The following CGNL1 variants were observed in gnomAD, a reference collection of about 807,000 sequenced individuals.
The protein encoded by CGNL1 is cingulin like 1.
CGNL1 carries 132 observed loss-of-function variants against 141.2 expected under a neutral mutation model. The ratio of observed to expected loss-of-function variants is 0.93; its 90% CI spans 0.81 to 1.08. The LOEUF (loss-of-function observed/expected upper bound fraction) is 1.08, where lower values mean the gene tolerates loss of function less well. CGNL1 is among the 50% of genes least tolerant of loss of function. The probability of loss-of-function intolerance (pLI) is 0.00; values close to 1 mark genes in which losing one functional copy is unlikely to be tolerated. For missense variants in CGNL1, 1,870 were observed against 1,588.6 expected (o/e 1.18, Z -3.01); for synonymous variants, 690 against 622.1 (o/e 1.11, Z -1.63).
intron 8 of CGNL1, among the ~76,000 whole-genome samples, chr15:57,467,384 G>A (rs1293537322): frequency 1.3e-5 from 2 of 152,178 alleles, no homozygotes; most frequent in East Asian, 1.9e-4. Context: ...CATGCGGGCT[G>A]AGGACATTTT....
At chr15:57,490,450 T>C (rs2063843914) in intron 8 of CGNL1, among the ~76,000 whole-genome samples, 1 of 152,020 alleles carries the variant, frequency 6.6e-6, no homozygotes, top group Admixed American at 6.6e-5. Context: ...TGATGAGGTA[T>C]GGCACAGGGA....
Position 57,547,421 on chromosome 15 carries a change from G to A in CGNL1, c.3840G>A (p.Gly1280=). ...ACGACGATGACCTCAGCACGGATGG[G>A]GGAAGCCTCTATGAGGCGCCTGTGA... ...MDDDDDLSTD[G]GSLYEAPVSY... is the part of the protein sequence containing the mutation. Residue 1280 remains glycine (G), a synonymous_variant, in exon 19 of 19, where the codon GGG becomes GGA. Transcript: ENST00000281282. 5 of 1,614,186 alleles carry A rather than the reference G, an allele frequency of 3.1e-6. No individual in the cohort carries two copies. The highest frequency in any genetic ancestry group is 2.5e-6 in the Non-Finnish European group (3 of 1,180,026).
intron 8 of CGNL1, among the ~76,000 whole-genome samples, chr15:57,506,502 T>G (rs2064104994): frequency 1.3e-5 from 2 of 152,220 alleles, no homozygotes; most frequent in Non-Finnish European, 2.9e-5. Flanking sequence ...ATGGAAGGCC[T>G]AAGGCTGTGT....
chr15:57,529,350 C>G (rs1180397383), intron 13 of CGNL1, among the ~76,000 whole-genome samples: 2 of 152,158 alleles, frequency 1.3e-5, no homozygotes, highest in East Asian at 1.9e-4. Flanking sequence ...GTACATAGTC[C>G]AAGACAGCAT....
chr15:57,443,461 AC>A (rs1429178758), intron 4 of CGNL1, among the ~76,000 whole-genome samples: 1 of 152,188 alleles, frequency 6.6e-6, no homozygotes, highest in African/African-American at 2.4e-5. Flanking sequence ...AGAGGAAGAC[AC>A]CTGGAGGCAG....
chr15:57,491,216 G>A (rs1466771549), intron 8 of CGNL1, among the ~76,000 whole-genome samples: 2 of 152,214 alleles, frequency 1.3e-5, no homozygotes, highest in Non-Finnish European at 2.9e-5. Flanking sequence ...GAAGCCGAGT[G>A]TGGGATGAAA....
intron 1 of CGNL1, among the ~76,000 whole-genome samples, chr15:57,426,606 T>C (rs967035244): frequency 7.5e-6 from 1 of 134,136 alleles, no homozygotes; most frequent in African/African-American, 2.8e-5. Flanking sequence ...GTCTCCATGC[T>C]TGGCTATTTT....
Position 57,546,238 on chromosome 15 carries a change from A to C in CGNL1, c.3772A>C (p.Arg1258=). Residue 1258 remains arginine, a splice_region_variant and synonymous_variant, in exon 18 of 19, where the codon AGA becomes CGA. Transcript: ENST00000281282. ...GCTCAACTCCATGAAGAAGGACTTAAGGTGGGCAGGTGTGGAGGCCACAGA... is the reference window on the plus strand; with the variant it reads ...GCTCAACTCCATGAAGAAGGACTTACGGTGGGCAGGTGTGGAGGCCACAGA... ...GQLNSMKKDL[R]LKKLPSKVLD... is the part of the protein sequence containing the mutation. The C allele has an allele frequency of 3.2e-6, 5 of 1,573,188 alleles. No individual in the cohort carries two copies. Among genetic ancestry groups the C allele is most frequent in the Non-Finnish European group, 4.3e-6 (5 of 1,159,218 alleles).
intron 10 of CGNL1, among the ~76,000 whole-genome samples, chr15:57,522,280 C>T (rs572607130): frequency 9.6e-4 from 147 of 152,346 alleles, no homozygotes; most frequent in African/African-American, 3.2e-3. Context: ...ACCGGAAGGC[C>T]GCTATGGGTC....
intron 1 of CGNL1, among the ~76,000 whole-genome samples, chr15:57,423,174 G>A (rs1187350152): frequency 1.3e-5 from 2 of 152,162 alleles, no homozygotes; most frequent in African/African-American, 4.8e-5. Context: ...TACCTCTTCA[G>A]CTGATCGTGT....
intron 4 of CGNL1, among the ~76,000 whole-genome samples, chr15:57,444,746 T>C (rs1471636542): frequency 6.6e-6 from 1 of 152,182 alleles, no homozygotes; most frequent in African/African-American, 2.4e-5. Context: ...AGAGGGAATT[T>C]AGTGTAGTGG....
intron 8 of CGNL1, among the ~76,000 whole-genome samples, chr15:57,484,733 C>T (rs1235288991): frequency 1.3e-5 from 2 of 152,066 alleles, no homozygotes; most frequent in African/African-American, 2.4e-5. Context: ...AATCCACTGA[C>T]AGGCCCCGGT....
At chr15:57,504,827 C>A (rs930783613) in intron 8 of CGNL1, among the ~76,000 whole-genome samples, 8 of 152,170 alleles carry the variant, frequency 5.3e-5, no homozygotes, top group Non-Finnish European at 7.4e-5. Flanking sequence ...TTGCATGTGC[C>A]TGGAGGAGAG....
intron 1 of CGNL1, among the ~76,000 whole-genome samples, chr15:57,429,801 C>T (rs1432698990): frequency 2.0e-5 from 3 of 152,182 alleles, no homozygotes; most frequent in African/African-American, 7.2e-5. Flanking sequence ...ACATTGAAAT[C>T]TTTCTCAGAT....
Position 57,523,549 on chromosome 15 carries a change from A to G in CGNL1, c.2776A>G (p.Ser926Gly), listed in dbSNP as rs143361531. The change falls in exon 11 of 19, where the codon AGT becomes GGT. Residue 926 changes from serine to glycine, a missense_variant. By Grantham distance (56) the Ser-to-Gly change is moderately conservative. Coordinates refer to ENST00000281282, the MANE Select transcript of CGNL1 (RefSeq NM_032866.5). ...GTTGTCTGAGAAGCTCAAAGAGGAGAGTGAGCAGAAGGAGCAGCTAAGAAG... is the reference window on the plus strand; with the variant it reads ...GTTGTCTGAGAAGCTCAAAGAGGAGGGTGAGCAGAAGGAGCAGCTAAGAAG... ...KQLSEKLKEESEQKEQLRRLK... is the reference protein window; with the variant it reads ...KQLSEKLKEEGEQKEQLRRLK... The G allele has an allele frequency of 8.1e-6, 13 of 1,614,148 alleles. No homozygotes were observed. The highest frequency in any genetic ancestry group is 1.1e-5 in the Non-Finnish European group (13 of 1,179,990).
intron 7 of CGNL1, among the ~76,000 whole-genome samples, chr15:57,459,879 T>C (rs1467652049): frequency 3.3e-5 from 5 of 152,188 alleles, no homozygotes; most frequent in Admixed American, 3.3e-4. Flanking sequence ...TCTTACTGAA[T>C]CTGAGGTGCC....
At chr15:57,454,935 C>G (rs1193675284) in intron 7 of CGNL1, among the ~76,000 whole-genome samples, 1 of 152,054 alleles carries the variant, frequency 6.6e-6, no homozygotes, top group African/African-American at 2.4e-5. Flanking sequence ...ACATACTTTC[C>G]TAATACCTGA....
intron 1 of CGNL1, among the ~76,000 whole-genome samples, chr15:57,385,910 G>A (rs984332003): frequency 1.3e-5 from 2 of 152,228 alleles, no homozygotes; most frequent in Admixed American, 1.3e-4. Context: ...TGTCAGTAGA[G>A]CCAAGGCTAA....
chr15:57,512,900 C>G (rs1227646768), intron 8 of CGNL1, among the ~76,000 whole-genome samples: 6 of 152,100 alleles, frequency 3.9e-5, no homozygotes, highest in Non-Finnish European at 5.9e-5. Flanking sequence ...CATCATCTCT[C>G]TCCACCATCC....
Sources: allele counts gnomAD v4.1 joint callset (sites outside exome capture counted in the v4.1 genomes callset), GRCh38; gene constraint gnomAD v4.1.1; transcripts MANE v1.5; gene names NCBI Gene and HGNC (gene_info 2026-07-23, HGNC 2026-07-21).